LYPD6: variants seen among roughly 807,000 people sequenced by gnomAD.
LYPD6 encodes ly6/PLAUR domain-containing protein 6.
LYPD6 carries 15 observed loss-of-function variants against 22.7 expected under a neutral mutation model. The ratio of observed to expected loss-of-function variants is 0.66; its 90% CI spans 0.44 to 1.02. The LOEUF is 1.02. Among genes scored for constraint, LYPD6 ranks in the 50% least tolerant of loss-of-function variants. The pLI, the probability that LYPD6 is intolerant of heterozygous loss-of-function variation, is 0.00. For synonymous variants in LYPD6, 72 were observed against 77.5 expected, an observed-to-expected ratio of 0.93 and a Z score of 0.37; for missense variants, 189 against 208.4, an observed-to-expected ratio of 0.91 and a Z score of 0.57.
At chr2:149,381,207 TA>T (rs1682054474) in intron 1 of LYPD6, among the ~76,000 whole-genome samples, 1 of 152,188 alleles carries the variant, frequency 6.6e-6, no homozygotes, top group Admixed American at 6.5e-5. Context: ...TGGTACCTTA[TA>T]GGGGAACTTC....
intron 2 of LYPD6, among the ~76,000 whole-genome samples, chr2:149,448,467 T>C (rs980435488): frequency 3.3e-5 from 5 of 152,114 alleles, no homozygotes; most frequent in East Asian, 1.9e-4. Context: ...TCCACCAGAG[T>C]TGAGACACTG....
At chr2:149,363,638 G>C (rs973533200) in intron 1 of LYPD6, among the ~76,000 whole-genome samples, 1 of 152,186 alleles carries the variant, frequency 6.6e-6, no homozygotes, top group African/African-American at 2.4e-5. Flanking sequence ...AGCTAACCTA[G>C]ATCTGTGTGC....
chr2:149,358,248 T>G (rs184559953), intron 1 of LYPD6, among the ~76,000 whole-genome samples: 1 of 152,362 alleles, frequency 6.6e-6, no homozygotes, highest in Non-Finnish European at 1.5e-5. Flanking sequence ...CTTCCTATTA[T>G]ATTATCATAT....
intron 1 of LYPD6, among the ~76,000 whole-genome samples, chr2:149,352,916 G>C (rs1312343613): frequency 6.6e-6 from 1 of 152,134 alleles, no homozygotes; most frequent in East Asian, 1.9e-4. Context: ...CTTTCGGTTG[G>C]GCCTTAAAAG....
intron 3 of LYPD6, among the ~76,000 whole-genome samples, chr2:149,449,356 A>G (rs953206881): frequency 6.6e-6 from 1 of 152,202 alleles, no homozygotes; most frequent in Non-Finnish European, 1.5e-5. Context: ...TTTCTCATGA[A>G]GTATTTTTGG....
In LYPD6 at chr2:149,470,911, G is replaced by A. The variant is rs1364115492; in HGVS notation, c.*61G>A. Reference sequence around the variant, plus strand: ...GGGGATCTCGATGGTCCACAGACCTGCATGAGTCATTGGCCTGACAGTAAT... The same window carrying A: ...GGGGATCTCGATGGTCCACAGACCTACATGAGTCATTGGCCTGACAGTAAT... On this transcript the variant is annotated 3_prime_UTR_variant, in exon 5 of 5. Transcript: ENST00000334166. 16 of 1,471,350 alleles carry A rather than the reference G, an allele frequency of 1.1e-5. No homozygotes were observed. The South Asian group carries it at 1.6e-4, about 15-fold the overall frequency. The allele number at this position is 1,471,350 out of a possible 1,614,324, so 91.1% of individuals were successfully genotyped here.
chr2:149,413,926 C>A (rs1393558146), intron 1 of LYPD6, among the ~76,000 whole-genome samples: 1 of 152,160 alleles, frequency 6.6e-6, no homozygotes, highest in African/African-American at 2.4e-5. Flanking sequence ...TATCTTATAA[C>A]CTTTACAGGT....
intron 3 of LYPD6, among the ~76,000 whole-genome samples, chr2:149,462,689 A>T (rs1410100892): frequency 1.3e-5 from 2 of 152,048 alleles, no homozygotes; most frequent in Non-Finnish European, 2.9e-5. Flanking sequence ...AGTAATCAAG[A>T]CTGCGGTACT....
At chr2:149,442,992 G>A (rs1442155184) in intron 2 of LYPD6, among the ~76,000 whole-genome samples, 2 of 152,148 alleles carry the variant, frequency 1.3e-5, no homozygotes, top group Non-Finnish European at 2.9e-5. Flanking sequence ...TCAACGATAC[G>A]TGCTGATAAA....
intron 2 of LYPD6, among the ~76,000 whole-genome samples, chr2:149,447,954 C>G (rs1418641889): frequency 6.6e-6 from 1 of 152,038 alleles, no homozygotes; most frequent in Admixed American, 6.6e-5. Flanking sequence ...ACAGTGAGAT[C>G]CCATGTACCC....
intron 1 of LYPD6, among the ~76,000 whole-genome samples, chr2:149,433,376 T>A (rs1265200672): frequency 6.6e-6 from 1 of 152,232 alleles, no homozygotes. Flanking sequence ...ACACAGGACA[T>A]GGCCTTGGAA....
intron 1 of LYPD6, among the ~76,000 whole-genome samples, chr2:149,391,200 C>A (rs781200787): frequency 6.6e-6 from 1 of 152,180 alleles, no homozygotes; most frequent in African/African-American, 2.4e-5. Flanking sequence ...ATCTGCCAGA[C>A]GCTGACATGG....
intron 1 of LYPD6, among the ~76,000 whole-genome samples, chr2:149,434,728 T>C (rs1683392045): frequency 6.6e-6 from 1 of 152,144 alleles, no homozygotes; most frequent in African/African-American, 2.4e-5. Context: ...ACCCTCTCTG[T>C]GGCCAGGGTC....
At chr2:149,424,114 C>T (rs561580659) in intron 1 of LYPD6, among the ~76,000 whole-genome samples, 3 of 135,840 alleles carry the variant, frequency 2.2e-5, no homozygotes, top group Admixed American at 7.0e-5. Context: ...CTGTAGCATG[C>T]GTACACATGT....
At chr2:149,447,453 C>T (rs1406859487) in intron 2 of LYPD6, among the ~76,000 whole-genome samples, 1 of 152,168 alleles carries the variant, frequency 6.6e-6, no homozygotes, top group Admixed American at 6.5e-5. Context: ...AACTGGTAGC[C>T]TCTGGTGCCT....
At chr2:149,448,992 C>A in intron 2 of LYPD6, 57 bp from the exon 3 acceptor site, 2 of 1,305,984 alleles carry the variant, frequency 1.5e-6, no homozygotes, top group South Asian at 1.3e-5. Context: ...GTCTTAACTT[C>A]ACAGGATTCT....
At chr2:149,392,932 C>G (rs1468833700) in intron 1 of LYPD6, among the ~76,000 whole-genome samples, 1 of 152,116 alleles carries the variant, frequency 6.6e-6, no homozygotes, top group Non-Finnish European at 1.5e-5. Flanking sequence ...GAGGCTGAGG[C>G]AGGAGAATCA....
chr2:149,402,910 G>C (rs186782879), intron 1 of LYPD6, among the ~76,000 whole-genome samples: 52 of 135,016 alleles, frequency 3.9e-4, no homozygotes, highest in African/African-American at 1.4e-3. Flanking sequence ...TCCCCAAAGT[G>C]TGATGTTCCC....
chr2:149,429,156 C>T (rs900388872), intron 1 of LYPD6, among the ~76,000 whole-genome samples: 1 of 152,166 alleles, frequency 6.6e-6, no homozygotes, highest in African/African-American at 2.4e-5. Context: ...CTGGTTTCAG[C>T]TACATGCTAG....
Sources: gnomAD v4.1 joint callset for allele counts (sites outside exome capture counted in the v4.1 genomes callset) on GRCh38, gnomAD v4.1.1 for gene constraint, MANE v1.5 for transcripts, NCBI Gene and HGNC (gene_info 2026-07-23, HGNC 2026-07-21) for gene names.